WDHD1: variants seen among roughly 807,000 people sequenced by gnomAD.
The protein encoded by WDHD1 is WD repeat and HMG-box DNA binding protein 1.
A neutral mutation model predicts 135.4 loss-of-function variants in WDHD1; 111 were observed. The ratio of observed to expected loss-of-function variants is 0.82; its 90% CI spans 0.70 to 0.96. The LOEUF is 0.96. WDHD1 is among the 40% of genes least tolerant of loss of function. The pLI is 0.00. For missense variants in WDHD1, 1,351 were observed against 1,336.3 expected (o/e 1.01, Z -0.17); for synonymous variants, 434 against 439.0 (o/e 0.99, Z 0.14).
At chr14:54,989,259 C>G (rs1206481462) in intron 12 of WDHD1, 47 bp from the exon 13 acceptor site, 2 of 1,430,686 alleles carry the variant, frequency 1.4e-6, no homozygotes. Flanking sequence ...AACTGAAGCT[C>G]CTAGAATCAG....
chr14:54,978,896 G>T (rs911201389), intron 16 of WDHD1, among the ~76,000 whole-genome samples: 1 of 152,142 alleles, frequency 6.6e-6, no homozygotes, highest in African/African-American at 2.4e-5. Context: ...ATCTGCATTT[G>T]TGCCTATTTT....
intron 24 of WDHD1, among the ~76,000 whole-genome samples, chr14:54,951,307 A>T (rs1400580263): frequency 6.6e-6 from 1 of 152,100 alleles, no homozygotes; most frequent in Non-Finnish European, 1.5e-5. Context: ...AAAAAATGAT[A>T]AAGGGGATAT....
intron 18 of WDHD1, among the ~76,000 whole-genome samples, chr14:54,964,457 G>A (rs2041308664): frequency 6.6e-6 from 1 of 151,950 alleles, no homozygotes. Context: ...TGGCTAACAC[G>A]GTGAAACACA....
intron 21 of WDHD1, among the ~76,000 whole-genome samples, chr14:54,959,151 G>A (rs2041207251): frequency 6.6e-6 from 1 of 151,938 alleles, no homozygotes. Context: ...AGGGAGGACT[G>A]CTTGAGCCCA....
chr14:54,992,343 A>T (rs1234765112), intron 11 of WDHD1, among the ~76,000 whole-genome samples: 1 of 152,128 alleles, frequency 6.6e-6, no homozygotes, highest in Non-Finnish European at 1.5e-5. Flanking sequence ...TACAAAAATT[A>T]GCCTGGCATG....
At chr14:54,983,040 T>C (rs777473861) in intron 15 of WDHD1, among the ~76,000 whole-genome samples, 18 of 152,086 alleles carry the variant, frequency 1.2e-4, no homozygotes, top group Non-Finnish European at 2.4e-4. Flanking sequence ...GGTATGTGCC[T>C]GTAGTCCCAG....
At chr14:54,978,600 G>A (rs538607137) in intron 16 of WDHD1, among the ~76,000 whole-genome samples, 4 of 151,098 alleles carry the variant, frequency 2.6e-5, no homozygotes, top group Non-Finnish European at 2.9e-5. Context: ...AAAAAAAACC[G>A]TTAATGAATA....
At position 54,991,251 on chromosome 14, in the gene WDHD1, A is replaced by T; in HGVS notation, c.1303T>A (p.Ser435Thr). Residue 435 changes from serine to threonine, a missense_variant, in exon 12 of 26, where the codon TCA becomes ACA. Physicochemically the swap from Ser to Thr is moderately conservative, Grantham distance 58. Transcript: ENST00000360586. ...MPTPRQKPFQ[S>T]GSTPLHLTHR... Reference sequence around the variant, plus strand: ...GTGAGATGCAACGGTGTAGAACCTGACTGAAATGGCTTTTGCCGGGGAGTT... The same window carrying T: ...GTGAGATGCAACGGTGTAGAACCTGTCTGAAATGGCTTTTGCCGGGGAGTT... The T allele has an allele frequency of 6.2e-7, 1 of 1,611,618 alleles. No homozygotes were observed. The highest frequency in any genetic ancestry group is 8.5e-7 in the Non-Finnish European group (1 of 1,177,720).
At chr14:55,014,675 A>C (rs978475255) in intron 2 of WDHD1, among the ~76,000 whole-genome samples, 4 of 152,202 alleles carry the variant, frequency 2.6e-5, no homozygotes, top group African/African-American at 9.7e-5. Flanking sequence ...CACATACAAA[A>C]AAGCAAATAA....
chr14:55,014,112 A>T lies in WDHD1; in HGVS notation c.78-516T>A, dbSNP rs2042221267. Among the ~76,000 whole-genome samples the T allele has an allele frequency of 6.6e-5, 10 of 152,346 alleles. 1 individual carries two copies. In the South Asian group the frequency reaches 2.1e-3, roughly 32 times the overall value. ...TAGTTCTTCTTTGGCATAAAATTAT[A>T]AAATTTTGAGGCAGAGTCTCATTCT... is the stretch of plus-strand genomic sequence containing the variant. On this transcript the variant is annotated intron_variant, in intron 2 of 25. Transcript: ENST00000360586.
At chr14:54,988,872 G>C (rs1411540188) in intron 13 of WDHD1, among the ~76,000 whole-genome samples, 156 bp downstream of exon 13, 1 of 152,122 alleles carries the variant, frequency 6.6e-6, no homozygotes, top group Admixed American at 6.6e-5. Context: ...CATATGTTCT[G>C]AGGTATTTTG....
At chr14:54,944,286 A>G in intron 25 of WDHD1, 46 bp downstream of exon 25, 2 of 1,594,316 alleles carry the variant, frequency 1.3e-6, no homozygotes, top group Non-Finnish European at 1.7e-6. Context: ...AATTTTTTAA[A>G]TCTGGGAATT....
chr14:54,941,814 T>TC, intron 25 of WDHD1, 124 bp from the exon 26 acceptor site: 3 of 804,110 alleles, frequency 3.7e-6, no homozygotes, highest in African/African-American at 1.7e-5. Flanking sequence ...GCACTTGAAT[T>TC]AAGTGTTCTC....
At chr14:54,973,118 C>A (rs1029433532) in intron 16 of WDHD1, among the ~76,000 whole-genome samples, 3 of 152,158 alleles carry the variant, frequency 2.0e-5, no homozygotes, top group Admixed American at 2.0e-4. Flanking sequence ...TGACTGCACA[C>A]TATAAATACC....
intron 11 of WDHD1, 90 bp from the exon 12 acceptor site, chr14:54,991,490 T>G: frequency 8.1e-7 from 1 of 1,238,890 alleles, no homozygotes; most frequent in Non-Finnish European, 1.1e-6. Context: ...ACTTTTTCAT[T>G]CATATTCAAT....
At position 54,989,071 on chromosome 14, in the gene WDHD1, C is replaced by T. The variant is rs993714999; in HGVS notation, c.1483G>A (p.Glu495Lys). ...CTTTCACATGCCAACAAAATAGCTT[C>T]GTGGGAAAGATCTGCTATTGTATAA... ...LNYTIADLSH[E>K]AILLACESTD... Residue 495 changes from glutamate to lysine, a missense_variant, in exon 13 of 26, where the codon GAA becomes AAA. Around this residue, in one of 2 missense-constraint regions of WDHD1, gnomAD observed 1,330 missense variants for 1,296.1 expected, o/e 1.03. Coordinates refer to ENST00000360586, the MANE Select transcript of WDHD1 (RefSeq NM_007086.4). 21 of 1,612,704 alleles carry T rather than the reference C, an allele frequency of 1.3e-5. No homozygotes were observed. The highest frequency in any genetic ancestry group is 1.6e-4 in the Middle Eastern group (1 of 6,078).
At chr14:54,958,178 G>A (rs2041192247) in intron 21 of WDHD1, among the ~76,000 whole-genome samples, 1 of 151,386 alleles carries the variant, frequency 6.6e-6, no homozygotes, top group Admixed American at 6.6e-5. Flanking sequence ...CCAAGCTGGA[G>A]GGCAATGGTG....
chr14:54,949,750 T>G (rs1168241143), intron 24 of WDHD1, among the ~76,000 whole-genome samples: 1 of 152,020 alleles, frequency 6.6e-6, no homozygotes, highest in Non-Finnish European at 1.5e-5. Flanking sequence ...AGAGAAAGGT[T>G]AGGTTACCCA....
At chr14:55,005,063 T>G in intron 7 of WDHD1, 2 of 544,884 alleles carry the variant, frequency 3.7e-6, no homozygotes, top group Admixed American at 3.9e-5. Context: ...CAGGCTGCTC[T>G]TCTTTTTCAA....
Sources: gnomAD v4.1 joint callset for allele counts (sites outside exome capture counted in the v4.1 genomes callset) on GRCh38, gnomAD v4.1.1 for gene constraint, gnomAD v4.1.1 regional missense constraint, MANE v1.5 for transcripts, NCBI Gene and HGNC (gene_info 2026-07-23, HGNC 2026-07-21) for gene names.